Variants in TMEM273 observed in about 807,000 individuals in gnomAD.
TMEM273 encodes the protein transmembrane protein 273, also known as chromosome 10 open reading frame 128.
Under a neutral mutation model 17.9 loss-of-function variants are expected in TMEM273, and 19 were observed. The ratio of observed to expected loss-of-function variants is 1.06; its 90% CI spans 0.74 to 1.55. The LOEUF (loss-of-function observed/expected upper bound fraction) is 1.55, where lower values mean the gene tolerates loss of function less well. Ranked by LOEUF, TMEM273 falls within the 40% of genes most tolerant of loss-of-function variation. The pLI is 0.00. For synonymous variants in TMEM273, 66 were observed against 62.0 expected (o/e 1.07, Z -0.31); for missense variants, 194 against 155.6 (o/e 1.25, Z -1.31).
intron 4 of TMEM273, 73 bp downstream of exon 4, chr10:49,165,693 G>C: frequency 6.3e-7 from 1 of 1,591,698 alleles, no homozygotes; most frequent in South Asian, 1.1e-5. Flanking sequence ...GGGGATGACA[G>C]GCAAGGGAGT....
chr10:49,169,382 G>T (rs773296087), intron 1 of TMEM273, among the ~76,000 whole-genome samples: 2 of 152,242 alleles, frequency 1.3e-5, no homozygotes, highest in South Asian at 4.1e-4. Flanking sequence ...CCAGAGTGGC[G>T]TGGTAGGTTG....
chr10:49,174,135 C>T (rs1006624784), intron 1 of TMEM273, among the ~76,000 whole-genome samples: 1 of 152,216 alleles, frequency 6.6e-6, no homozygotes, highest in East Asian at 1.9e-4. Context: ...TGCCTTTCTG[C>T]CCATTTATCC....
At chr10:49,173,280 T>C (rs1047224966) in intron 1 of TMEM273, among the ~76,000 whole-genome samples, 13 of 152,210 alleles carry the variant, frequency 8.5e-5, no homozygotes, top group African/African-American at 3.1e-4. Flanking sequence ...GTAACTGTCA[T>C]CTGCAAACAA....
intron 1 of TMEM273, among the ~76,000 whole-genome samples, chr10:49,185,044 C>A (rs1847580484): frequency 6.6e-6 from 1 of 152,088 alleles, no homozygotes; most frequent in African/African-American, 2.4e-5. Context: ...CACAGCCAAC[C>A]CTGGGGTGCC....
intron 1 of TMEM273, among the ~76,000 whole-genome samples, chr10:49,187,394 A>G (rs550038226): frequency 6.6e-6 from 1 of 152,364 alleles, no homozygotes; most frequent in African/African-American, 2.4e-5. Flanking sequence ...CATTCAGGAT[A>G]CAACCTATTG....
chr10:49,186,890 A>G (rs938370193), intron 1 of TMEM273, among the ~76,000 whole-genome samples: 4 of 152,218 alleles, frequency 2.6e-5, no homozygotes, highest in Non-Finnish European at 5.9e-5. Flanking sequence ...AGCTCATGTA[A>G]CATCTTCAGC....
rs570856108 is a variant in TMEM273 at position 49,156,778 on chromosome 10, C to T, written c.373-869G>A. ...AACAGACAGCACATATTTGACTACC[C>T]CATATTTGAGGACCAAGGACACACG... is the stretch of plus-strand genomic sequence containing the variant. On this transcript the variant is annotated intron_variant, in intron 6 of 6. Transcript: ENST00000374153. 5.3e-5 allele frequency among the ~76,000 whole-genome samples: 8 copies of T among 152,232 alleles called. No homozygotes were observed. The South Asian group carries it at 1.0e-3, about 20-fold the overall frequency.
chr10:49,176,622 G>C lies in TMEM273; in HGVS notation c.44-8660C>G, dbSNP rs141082973. Among the ~76,000 whole-genome samples, 1,068 of 152,316 alleles carry C rather than the reference G, an allele frequency of 7.0e-3. 8 individuals are homozygous for C. Among genetic ancestry groups the C allele is most frequent in the African/African-American group, 0.024 (1,002 of 41,552 alleles). ...TTCATACTGTGCTCTTCAGCCTCTG[G>C]GAAGCATTGCTCTGGAGTCCTGAGG... On this transcript the variant is annotated intron_variant, in intron 1 of 6. Transcript: ENST00000374153.
chr10:49,163,098 A>G (rs1845945349), intron 5 of TMEM273, among the ~76,000 whole-genome samples: 1 of 152,068 alleles, frequency 6.6e-6, no homozygotes, highest in Non-Finnish European at 1.5e-5. Flanking sequence ...GGCTAGAAGA[A>G]CACAGAGCTG....
intron 1 of TMEM273, among the ~76,000 whole-genome samples, chr10:49,173,950 C>T (rs1846765709): frequency 6.6e-6 from 1 of 152,146 alleles, no homozygotes. Context: ...CTTGGAGGCC[C>T]AGCTGGCACA....
intron 1 of TMEM273, among the ~76,000 whole-genome samples, chr10:49,186,578 G>T (rs1016071080): frequency 6.6e-6 from 1 of 152,182 alleles, no homozygotes; most frequent in Admixed American, 6.5e-5. Context: ...TGCTTTAAAT[G>T]TGGTAACAGA....
chr10:49,176,146 G>A (rs1178325409), intron 1 of TMEM273, among the ~76,000 whole-genome samples: 1 of 152,242 alleles, frequency 6.6e-6, no homozygotes, highest in African/African-American at 2.4e-5. Context: ...GTCCCCGGAA[G>A]GAGTGTGTGC....
At chr10:49,176,662 G>C (rs187638197) in intron 1 of TMEM273, among the ~76,000 whole-genome samples, 1 of 152,330 alleles carries the variant, frequency 6.6e-6, no homozygotes, top group African/African-American at 2.4e-5. Flanking sequence ...TGACCGAGGG[G>C]AGTGCGCATC....
intron 3 of TMEM273, 168 bp downstream of exon 3, chr10:49,166,701 G>A: frequency 1.1e-6 from 1 of 938,972 alleles, no homozygotes; most frequent in Non-Finnish European, 1.6e-6. Context: ...AGAAACAGAG[G>A]CAAAGGGTTA....
intron 5 of TMEM273, among the ~76,000 whole-genome samples, chr10:49,162,353 G>A (rs1845898705): frequency 6.6e-6 from 1 of 152,072 alleles, no homozygotes; most frequent in African/African-American, 2.4e-5. Context: ...GGCAATACAT[G>A]CACACACACA....
In TMEM273 at chr10:49,161,642, G is replaced by T. The variant is rs766811457; in HGVS notation, c.349-20C>A. 3.1e-6 allele frequency: 5 copies of T among 1,614,042 alleles called. No individual in the cohort carries two copies. The highest frequency in any genetic ancestry group is 1.6e-4 in the Middle Eastern group (1 of 6,084). ...TTTCGCCTGCAAAACAAGATAAAAGGGTGTTCATTGCCTAAGCCTTAGAAG... is the reference window on the plus strand; with the variant it reads ...TTTCGCCTGCAAAACAAGATAAAAGTGTGTTCATTGCCTAAGCCTTAGAAG... On this transcript the variant is annotated intron_variant, in intron 5 of 6. Coordinates refer to ENST00000374153, the MANE Select transcript of TMEM273 (RefSeq NM_001288740.3).
chr10:49,188,164 G>A (rs1847838464), intron 1 of TMEM273, 130 bp downstream of exon 1: 1 of 1,057,022 alleles, frequency 9.5e-7, no homozygotes, highest in South Asian at 1.5e-5. Context: ...CCAGATCAAA[G>A]TGAGAAACAT....
intron 3 of TMEM273, chr10:49,166,370 GA>G (rs1011799010): frequency 1.0e-4 from 22 of 211,010 alleles, no homozygotes; most frequent in African/African-American, 4.4e-4. Flanking sequence ...CCCAATTTAT[GA>G]AAAAAAATTC....
At chr10:49,172,983 C>A (rs529443760) in intron 1 of TMEM273, among the ~76,000 whole-genome samples, 2 of 152,300 alleles carry the variant, frequency 1.3e-5, no homozygotes, top group Admixed American at 1.3e-4. Flanking sequence ...ACAGGTGGGG[C>A]AGAAGATCCA....
Sources: gnomAD v4.1 joint callset for allele counts (sites outside exome capture counted in the v4.1 genomes callset) on GRCh38, gnomAD v4.1.1 for gene constraint, MANE v1.5 for transcripts, NCBI Gene and HGNC (gene_info 2026-07-23, HGNC 2026-07-21) for gene names.